Variants in PHF24 observed in about 807,000 individuals in gnomAD.
The protein encoded by PHF24 is PHD finger protein 24, also known as Galpha inhibitory interacting protein.
PHF24 carries 25 observed loss-of-function variants against 42.6 expected under a neutral mutation model. The observed-to-expected ratio is 0.59, with a 90% CI of 0.43 to 0.82. The LOEUF (loss-of-function observed/expected upper bound fraction) is 0.82. Ranked by LOEUF, PHF24 falls within the 40% of genes least tolerant of loss-of-function variation. The pLI is 0.00. For missense variants in PHF24, 470 were observed against 538.1 expected, an observed-to-expected ratio of 0.87 and a Z score of 1.25; for synonymous variants, 185 against 204.8, an observed-to-expected ratio of 0.90 and a Z score of 0.83.
At chr9:34,740,193 G>T in the PHF24 span, among the ~76,000 whole-genome samples, 1 of 152,230 alleles carries the variant, frequency 6.6e-6, no homozygotes, top group Non-Finnish European at 1.5e-5. Context: ...TCCGCACCGG[G>T]GCTGCGGGTG....
the PHF24 span, among the ~76,000 whole-genome samples, chr9:34,742,818 C>A: frequency 6.6e-6 from 1 of 152,158 alleles, no homozygotes; most frequent in Non-Finnish European, 1.5e-5. Context: ...AAAATAGTCA[C>A]ACTTTAACAA....
At chr9:34,913,619 A>G in the PHF24 span, among the ~76,000 whole-genome samples, 1 of 152,232 alleles carries the variant, frequency 6.6e-6, no homozygotes, top group South Asian at 2.1e-4. Context: ...TTTAATTTCT[A>G]TGGCCTAAAG....
chr9:34,796,199 T>G, the PHF24 span, among the ~76,000 whole-genome samples: 1 of 152,040 alleles, frequency 6.6e-6, no homozygotes, highest in Non-Finnish European at 1.5e-5. Context: ...TAACCTAAAC[T>G]TCTCACTTTA....
At chr9:34,979,723 GAGAGCCCTGTGT>G (rs1175957245) in exon 8 of PHF24, 1 of 152,212 alleles carries the variant, frequency 6.6e-6, no homozygotes, top group African/African-American at 2.4e-5. Context: ...GGGGCTTCTT[GAGAGCCCTGTGT>G]AGTCTCCTCC....
the PHF24 span, among the ~76,000 whole-genome samples, chr9:34,877,818 T>A: frequency 6.6e-6 from 1 of 152,124 alleles, no homozygotes; most frequent in East Asian, 1.9e-4. Flanking sequence ...AGTGGTTTGC[T>A]GCACCCATCA....
the PHF24 span, among the ~76,000 whole-genome samples, chr9:34,842,383 G>A: frequency 6.6e-6 from 1 of 152,164 alleles, no homozygotes; most frequent in Non-Finnish European, 1.5e-5. Context: ...TATGATAGTT[G>A]TATGCTAGGG....
chr9:34,919,636 C>T, the PHF24 span, among the ~76,000 whole-genome samples: 1 of 150,448 alleles, frequency 6.6e-6, no homozygotes, highest in Non-Finnish European at 1.5e-5. Flanking sequence ...CCCTGTTGTG[C>T]TATCAAATAC....
At chr9:34,947,269 C>T in the PHF24 span, among the ~76,000 whole-genome samples, 10 of 152,168 alleles carry the variant, frequency 6.6e-5, no homozygotes, top group East Asian at 3.9e-4. Context: ...CAGTGGTGGA[C>T]GAAATATACA....
the PHF24 span, among the ~76,000 whole-genome samples, chr9:34,807,382 T>C: frequency 3.5e-4 from 53 of 152,260 alleles, no homozygotes; most frequent in Non-Finnish European, 6.6e-4. Flanking sequence ...GTGAGTAAAG[T>C]AGGGATGCAG....
chr9:34,727,166 G>T, the PHF24 span, among the ~76,000 whole-genome samples: 1 of 152,254 alleles, frequency 6.6e-6, no homozygotes, highest in Non-Finnish European at 1.5e-5. Context: ...GGTGTGGTGG[G>T]CTGGGCTGAT....
the PHF24 span, among the ~76,000 whole-genome samples, chr9:34,678,549 G>T: frequency 6.6e-6 from 1 of 152,032 alleles, no homozygotes; most frequent in East Asian, 1.9e-4. Context: ...TGACCAGGCT[G>T]GTCTTGAACT....
the PHF24 span, among the ~76,000 whole-genome samples, chr9:34,767,460 G>T: frequency 6.6e-6 from 1 of 152,340 alleles, no homozygotes; most frequent in East Asian, 1.9e-4. Flanking sequence ...ATCTCAGACT[G>T]CTGTGCTAGC....
At chr9:34,955,333 A>G (rs75488959), upstream of PHF24, among the ~76,000 whole-genome samples, 5 of 147,348 alleles carry the variant, frequency 3.4e-5, no homozygotes, top group African/African-American at 5.0e-5. Flanking sequence ...AAAAAAAAAG[A>G]AAAGAAAGTT....
chr9:34,765,552 G>A, the PHF24 span, among the ~76,000 whole-genome samples: 31 of 149,360 alleles, frequency 2.1e-4, 1 homozygote, highest in African/African-American at 7.3e-4. Context: ...CCATCTGCTT[G>A]GTAGATCTTC....
the PHF24 span, among the ~76,000 whole-genome samples, chr9:34,828,585 C>T: frequency 0.012 from 1,784 of 152,324 alleles, 29 homozygotes; most frequent in African/African-American, 0.04. Context: ...CCACTCCCAT[C>T]ACACCTTCAT....
At chr9:34,897,388 G>A in the PHF24 span, among the ~76,000 whole-genome samples, 2 of 152,190 alleles carry the variant, frequency 1.3e-5, no homozygotes, top group Non-Finnish European at 2.9e-5. Context: ...TGCTGGGGAA[G>A]GGGCTAGAGA....
the PHF24 span, among the ~76,000 whole-genome samples, chr9:34,766,701 G>T: frequency 6.6e-6 from 1 of 152,192 alleles, no homozygotes; most frequent in East Asian, 1.9e-4. Flanking sequence ...CTCTCAACTC[G>T]TCAAAGTCAT....
chr9:34,750,430 CA>C, the PHF24 span, among the ~76,000 whole-genome samples: 49 of 151,750 alleles, frequency 3.2e-4, no homozygotes, highest in East Asian at 8.4e-3. Flanking sequence ...GCAGAGGTTG[CA>C]GTGAGCCAAG....
chr9:34,949,536 A>G, the PHF24 span, among the ~76,000 whole-genome samples: 392 of 152,338 alleles, frequency 2.6e-3, 5 homozygotes, highest in African/African-American at 7.4e-3. Context: ...TCTACTATAA[A>G]GACACATGCA....
Sources: allele counts gnomAD v4.1 joint callset (sites outside exome capture counted in the v4.1 genomes callset), GRCh38; gene constraint gnomAD v4.1.1; transcripts MANE v1.5; gene names NCBI Gene and HGNC (gene_info 2026-07-23, HGNC 2026-07-21).